PDK1: variants seen among roughly 807,000 people sequenced by gnomAD.
The protein encoded by PDK1 is [Pyruvate dehydrogenase (acetyl-transferring)] kinase isozyme 1, mitochondrial.
In PDK1, 39 loss-of-function variants were observed where a neutral mutation model predicts 54.2. That is an observed-to-expected ratio of 0.72 (90% CI 0.56 to 0.94). The LOEUF (loss-of-function observed/expected upper bound fraction) is 0.94. PDK1 is among the 40% of genes least tolerant of loss of function. The pLI, the probability that PDK1 is intolerant of heterozygous loss-of-function variation, is 0.00. For synonymous variants in PDK1, 221 were observed against 207.1 expected, an observed-to-expected ratio of 1.07 and a Z score of -0.58; for missense variants, 552 against 566.0, an observed-to-expected ratio of 0.98 and a Z score of 0.25.
the PDK1 span, among the ~76,000 whole-genome samples, chr2:172,632,379 A>C: frequency 2.0e-5 from 3 of 152,218 alleles, no homozygotes; most frequent in Non-Finnish European, 4.4e-5. Context: ...AAGTCATCCC[A>C]ACTGCAAATA....
At chr2:172,558,473 C>A (rs1688474094) in intron 1 of PDK1, among the ~76,000 whole-genome samples, 1 of 152,172 alleles carries the variant, frequency 6.6e-6, no homozygotes, top group South Asian at 2.1e-4. Context: ...ATCGTAATTG[C>A]TGTACAGAGC....
the PDK1 span, among the ~76,000 whole-genome samples, chr2:172,621,794 GATATATGTTTATA>G: frequency 0.037 from 4,560 of 123,914 alleles, 485 homozygotes; most frequent in African/African-American, 0.13. Context: ...TCATATGTAT[GATATATGTTTATA>G]TCTCATATGT....
chr2:172,646,694 G>C, the PDK1 span, among the ~76,000 whole-genome samples: 2 of 138,862 alleles, frequency 1.4e-5, no homozygotes, highest in African/African-American at 5.3e-5. Context: ...TGTCCCCAGA[G>C]ATTTTTGCTT....
chr2:172,566,352 C>T (rs1326100708), intron 5 of PDK1, among the ~76,000 whole-genome samples: 2 of 152,040 alleles, frequency 1.3e-5, no homozygotes, highest in South Asian at 2.1e-4. Context: ...GTCAGGAGTT[C>T]GAGACCAGCC....
intron 9 of PDK1, among the ~76,000 whole-genome samples, chr2:172,589,051 C>T (rs967836445): frequency 9.2e-5 from 14 of 152,124 alleles, no homozygotes; most frequent in African/African-American, 3.1e-4. Context: ...GGTAGATCCA[C>T]CAGTGGACTA....
the PDK1 span, among the ~76,000 whole-genome samples, chr2:172,706,231 G>C: frequency 6.6e-6 from 1 of 150,796 alleles, no homozygotes; most frequent in Non-Finnish European, 1.5e-5. Flanking sequence ...CAATGGAATT[G>C]ATACAAGGCT....
the PDK1 span, among the ~76,000 whole-genome samples, chr2:172,709,237 C>T: frequency 6.6e-6 from 1 of 152,188 alleles, no homozygotes; most frequent in African/African-American, 2.4e-5. Context: ...CTTGTGGGAC[C>T]ATCTCTCCTC....
At chr2:172,692,861 T>C in the PDK1 span, among the ~76,000 whole-genome samples, 1 of 152,366 alleles carries the variant, frequency 6.6e-6, no homozygotes, top group African/African-American at 2.4e-5. Flanking sequence ...AATCAGGTTA[T>C]GTAACTTGAA....
the PDK1 span, among the ~76,000 whole-genome samples, chr2:172,711,865 CAAA>C: frequency 1.3e-4 from 3 of 22,776 alleles, no homozygotes; most frequent in East Asian, 1.9e-3. Flanking sequence ...GAACCTAGCT[CAAA>C]AAAAAAAAAA....
chr2:172,568,921 A>G, intron 7 of PDK1, 104 bp downstream of exon 7: 1 of 703,714 alleles, frequency 1.4e-6, no homozygotes, highest in Non-Finnish European at 2.6e-6. Flanking sequence ...AAGAAGTGCC[A>G]TTTCACATCA....
At chr2:172,593,176 G>A (rs1329940884) in intron 10 of PDK1, 128 bp downstream of exon 10, 7 of 478,942 alleles carry the variant, frequency 1.5e-5, no homozygotes, top group Admixed American at 7.2e-5. Context: ...GTTTTTTGCT[G>A]GGGATCTCAC....
chr2:172,700,548 C>T, the PDK1 span, among the ~76,000 whole-genome samples: 3 of 151,860 alleles, frequency 2.0e-5, no homozygotes, highest in Non-Finnish European at 4.4e-5. Context: ...AGGCTCCTCT[C>T]ATCCCAGACG....
the PDK1 span, among the ~76,000 whole-genome samples, chr2:172,651,979 A>T: frequency 1.3e-5 from 2 of 152,214 alleles, no homozygotes; most frequent in Non-Finnish European, 2.9e-5. Flanking sequence ...GAGGCCAGAA[A>T]CATCCTGATA....
chr2:172,585,283 A>G (rs1337128147), intron 8 of PDK1, among the ~76,000 whole-genome samples: 1 of 149,884 alleles, frequency 6.7e-6, no homozygotes, highest in African/African-American at 2.5e-5. Context: ...ACAAGCGTGA[A>G]TCACCATGCC....
chr2:172,612,291 A>C (rs760291531), downstream of PDK1, among the ~76,000 whole-genome samples: 10 of 152,232 alleles, frequency 6.6e-5, no homozygotes, highest in African/African-American at 2.4e-4. Flanking sequence ...TGAAACTCTT[A>C]AGAGCAATTA....
rs55753852 is a variant in PDK1 at position 172,557,610 on chromosome 2, CGTGTGTGTGTGT to C, written c.197-1073_197-1062del. ...TTCCTCTGCACTTACTCTTTTTTCC[CGTGTGTGTGTGT>C]GTGTGTGTGTGTGTGTGTGTGTGTA... On this transcript the variant is annotated intron_variant, in intron 1 of 10. Coordinates refer to ENST00000282077, the MANE Select transcript of PDK1 (RefSeq NM_002610.5). 1.8e-3 allele frequency among the ~76,000 whole-genome samples: 253 copies of C among 142,020 alleles called. 1 individual carries two copies. Among genetic ancestry groups the C allele is most frequent in the Middle Eastern group, 7.1e-3 (2 of 282 alleles). 93.2% of individuals were successfully genotyped at this position (142,020 alleles called of 152,430 possible). A position where few individuals can be genotyped will look rare whatever the true frequency, so the allele number is the denominator to read the frequency against.
At chr2:172,704,427 T>A in the PDK1 span, among the ~76,000 whole-genome samples, 1 of 152,114 alleles carries the variant, frequency 6.6e-6, no homozygotes, top group African/African-American at 2.4e-5. Context: ...TCATTTCTTC[T>A]CAGAATACAG....
At chr2:172,557,484 G>C (rs1487335399) in intron 1 of PDK1, among the ~76,000 whole-genome samples, 1 of 152,178 alleles carries the variant, frequency 6.6e-6, no homozygotes, top group Admixed American at 6.5e-5. Flanking sequence ...ATATGGGAGT[G>C]TAGAGGGGTC....
rs1338282369 is a variant in PDK1, at chr2:172,601,082, G to A, written c.*5113G>A. ...TTCTGCCGGGGACTCGCTTTACCCT[G>A]TCTACCTAAATTCTTTCTGCCTTCT... On this transcript the variant is annotated 3_prime_UTR_variant, in exon 11 of 11. Transcript: ENST00000282077. 1 of 152,128 alleles carries A rather than the reference G, an allele frequency of 6.6e-6. No homozygotes were observed. Among genetic ancestry groups the A allele is most frequent in the Non-Finnish European group, 1.5e-5 (1 of 68,010 alleles). 9.4% of individuals were successfully genotyped at this position (152,128 alleles called of 1,614,324 possible).
Sources: allele counts gnomAD v4.1 joint callset (sites outside exome capture counted in the v4.1 genomes callset), GRCh38; gene constraint gnomAD v4.1.1; transcripts MANE v1.5; gene names NCBI Gene and HGNC (gene_info 2026-07-23, HGNC 2026-07-21).